Variants in GABRA3 observed in about 807,000 individuals in gnomAD.
GABRA3 encodes gamma-aminobutyric acid receptor subunit alpha-3.
Under a neutral mutation model 30.1 loss-of-function variants are expected in GABRA3, and 10 were observed. That is an observed-to-expected ratio of 0.33 (90% CI 0.20 to 0.56). The LOEUF (loss-of-function observed/expected upper bound fraction) is 0.56. Ranked by LOEUF, GABRA3 falls within the 20% of genes least tolerant of loss-of-function variation. The pLI is 0.89. For missense variants in GABRA3, 233 were observed against 392.0 expected, an observed-to-expected ratio of 0.59 and a Z score of 3.42; for synonymous variants, 151 against 146.8, an observed-to-expected ratio of 1.03 and a Z score of -0.21.
At chrX:152,438,827 G>A (rs1364141742) in intron 1 of GABRA3, among the ~76,000 whole-genome samples, 2 of 111,377 alleles carry the variant, frequency 1.8e-5, no homozygotes, top group African/African-American at 6.5e-5. Flanking sequence ...GCTGGAGGGA[G>A]GGATGAACAG....
intron 9 of GABRA3, among the ~76,000 whole-genome samples, chrX:152,182,997 C>T (rs1937205514): frequency 9.4e-6 from 1 of 105,859 alleles, no homozygotes; most frequent in South Asian, 4.1e-4. Flanking sequence ...CTATTTTGTT[C>T]ATCAGGGATA....
At position 152,298,485 on chromosome X, in the gene GABRA3, T is replaced by G. The variant is rs1271358506; in HGVS notation, c.263-13750A>C. On this transcript the variant is annotated intron_variant, in intron 3 of 9. Coordinates refer to ENST00000370314, the MANE Select transcript of GABRA3 (RefSeq NM_000808.4). ...TGAGAACATGCGGTGTTTGGTTTTT[T>G]GTCCTTGCGATAGTTTGCTGAGAAT... Among the ~76,000 whole-genome samples, 4 of 109,145 alleles carry G rather than the reference T, an allele frequency of 3.7e-5. No individual in the cohort carries two copies. In the East Asian group the frequency reaches 1.2e-3, roughly 32 times the overall value. The allele number at this position is 109,145 out of a possible 115,157, so 94.8% of individuals were successfully genotyped here.
chrX:152,219,560 T>C (rs1304283343), intron 6 of GABRA3, among the ~76,000 whole-genome samples: 3 of 111,509 alleles, frequency 2.7e-5, no homozygotes, highest in Admixed American at 9.5e-5. Context: ...AAGGAATCTA[T>C]TGATGTTAAG....
At chrX:152,329,558 C>T (rs918969003) in intron 3 of GABRA3, among the ~76,000 whole-genome samples, 2 of 111,871 alleles carry the variant, frequency 1.8e-5, no homozygotes, top group Non-Finnish European at 3.8e-5. Flanking sequence ...CTTCAACCAT[C>T]TGATCTTTGA....
chrX:152,286,202 A>G (rs1416973706), intron 3 of GABRA3, among the ~76,000 whole-genome samples: 3 of 95,253 alleles, frequency 3.1e-5, no homozygotes, highest in African/African-American at 1.5e-4. Flanking sequence ...ATATACATCC[A>G]GAACAGCAGC....
At chrX:152,400,276 A>T (rs2124521750) in intron 1 of GABRA3, among the ~76,000 whole-genome samples, 1 of 110,715 alleles carries the variant, frequency 9.0e-6, no homozygotes, top group East Asian at 2.8e-4. Context: ...TGAGGCCAGG[A>T]GTTTGAAACC....
chrX:152,440,524 T>C (rs938036627), intron 1 of GABRA3, among the ~76,000 whole-genome samples: 1 of 112,440 alleles, frequency 8.9e-6, no homozygotes, highest in Non-Finnish European at 1.9e-5. Flanking sequence ...ACTGGGTATA[T>C]ATCCAAAGGA....
At chrX:152,450,262 G>A (rs939843300) in intron 1 of GABRA3, among the ~76,000 whole-genome samples, 3 of 110,004 alleles carry the variant, frequency 2.7e-5, no homozygotes, top group African/African-American at 9.9e-5. Context: ...CATGCCACCC[G>A]CAGCCACAGC....
rs191504900 is a variant in GABRA3 at position 152,310,102 on chromosome X, G to T, written c.263-25367C>A. Among the ~76,000 whole-genome samples the T allele has an allele frequency of 6.4e-3, 718 of 112,144 alleles. 4 individuals carry two copies. The highest frequency in any genetic ancestry group is 0.022 in the African/African-American group (685 of 30,948). ...AGACTTCACTATCTTAAATATATAT[G>T]CAACCAACACTGGAACAGCCAGATT... On this transcript the variant is annotated intron_variant, in intron 3 of 9. Transcript: ENST00000370314.
At chrX:152,295,455 G>A (rs1454447406) in intron 3 of GABRA3, among the ~76,000 whole-genome samples, 1 of 113,014 alleles carries the variant, frequency 8.8e-6, no homozygotes, top group Non-Finnish European at 1.9e-5. Flanking sequence ...ATCTCAGACT[G>A]CTGCGCTAGC....
At chrX:152,179,495 ATT>A (rs199606296) in intron 9 of GABRA3, among the ~76,000 whole-genome samples, 11 of 97,193 alleles carry the variant, frequency 1.1e-4, no homozygotes, top group African/African-American at 2.3e-4. Flanking sequence ...TGTGAGTTCA[ATT>A]TTTTTTTTTT....
chrX:152,272,200 C>T (rs775099826), intron 4 of GABRA3, among the ~76,000 whole-genome samples: 4 of 111,892 alleles, frequency 3.6e-5, no homozygotes, highest in South Asian at 7.5e-4. Context: ...TGCAGGCACT[C>T]GATGCCAGCC....
intron 7 of GABRA3, among the ~76,000 whole-genome samples, chrX:152,206,151 A>G (rs1393501809): frequency 5.3e-5 from 6 of 112,394 alleles, no homozygotes; most frequent in Non-Finnish European, 1.1e-4. Flanking sequence ...AGATACAGGG[A>G]CTTCTCTTGC....
chrX:152,231,278 T>C (rs926194733), intron 5 of GABRA3, among the ~76,000 whole-genome samples: 19 of 101,638 alleles, frequency 1.9e-4, no homozygotes, highest in South Asian at 9.9e-4. Flanking sequence ...CACGTATATA[T>C]GTATACATAT....
chrX:152,286,417 A>T, intron 3 of GABRA3, among the ~76,000 whole-genome samples: 1 of 109,858 alleles, frequency 9.1e-6, no homozygotes, highest in South Asian at 3.9e-4. Flanking sequence ...AACAAGTCTC[A>T]CTCCAGCCCA....
intron 1 of GABRA3, among the ~76,000 whole-genome samples, chrX:152,376,523 G>A (rs190516907): frequency 3.5e-4 from 39 of 110,066 alleles, no homozygotes; most frequent in East Asian, 1.7e-3. Flanking sequence ...CCTTTCCATC[G>A]ACTCTCCTTC....
chrX:152,302,695 C>G (rs1015834078), intron 3 of GABRA3, among the ~76,000 whole-genome samples: 11 of 110,682 alleles, frequency 9.9e-5, no homozygotes, highest in African/African-American at 3.6e-4. Flanking sequence ...TGAGAACAGT[C>G]CATAATAGGT....
intron 1 of GABRA3, among the ~76,000 whole-genome samples, chrX:152,376,151 A>G (rs1374491771): frequency 8.9e-6 from 1 of 112,254 alleles, no homozygotes; most frequent in Non-Finnish European, 1.9e-5. Context: ...TGACAGATAC[A>G]GAAGTACAAA....
chrX:152,180,818 T>C (rs1195316507), intron 9 of GABRA3, among the ~76,000 whole-genome samples: 1 of 112,367 alleles, frequency 8.9e-6, no homozygotes, highest in East Asian at 2.8e-4. Flanking sequence ...TTGTGTGTTC[T>C]AGATACCTTT....
Sources: allele counts gnomAD v4.1 joint callset (sites outside exome capture counted in the v4.1 genomes callset), GRCh38; gene constraint gnomAD v4.1.1; transcripts MANE v1.5; gene names NCBI Gene and HGNC (gene_info 2026-07-23, HGNC 2026-07-21).